The following UGT1A4 variants were observed in gnomAD, a reference collection of about 807,000 sequenced individuals.
UGT1A4 encodes the protein UDP glucuronosyltransferase family 1 member A4.
Under a neutral mutation model 41.1 loss-of-function variants are expected in UGT1A4, and 32 were observed. The observed-to-expected ratio is 0.78, with a 90% CI of 0.59 to 1.05. The LOEUF (loss-of-function observed/expected upper bound fraction) is 1.05, where lower values mean the gene tolerates loss of function less well. UGT1A4 is among the 50% of genes least tolerant of loss of function. The pLI, the probability that UGT1A4 is intolerant of heterozygous loss-of-function variation, is 0.00. For missense variants in UGT1A4, 748 were observed against 677.4 expected (o/e 1.10, Z -1.16); for synonymous variants, 283 against 265.1 (o/e 1.07, Z -0.66).
chr2:233,768,108 G>A (rs1445815158), intron 3 of UGT1A4, 112 bp from the exon 4 acceptor site: 1 of 1,594,814 alleles, frequency 6.3e-7, no homozygotes, highest in Non-Finnish European at 8.6e-7. Flanking sequence ...GCAAATTTCT[G>A]CAAGGGCATG....
At chr2:233,760,857 C>G in intron 1 of UGT1A4, 1 of 1,614,098 alleles carries the variant, frequency 6.2e-7, no homozygotes, top group Non-Finnish European at 8.5e-7. Flanking sequence ...CCAACCCATT[C>G]TCCTACGTGC....
At chr2:233,724,307 C>CCCGGACGGGGCGGCTGG (rs2077215431) in intron 1 of UGT1A4, among the ~76,000 whole-genome samples, 2 of 146,974 alleles carry the variant, frequency 1.4e-5, no homozygotes, top group African/African-American at 5.0e-5. Context: ...CCACCTCCCT[C>CCCGGACGGGGCGGCTGG]CCGGACGGGG....
chr2:233,720,069 G>C (rs12463641), intron 1 of UGT1A4, among the ~76,000 whole-genome samples: 12,192 of 152,216 alleles, frequency 0.08, 620 homozygotes, highest in East Asian at 0.2. Flanking sequence ...CAGTAAATTA[G>C]AATTGTGGAC....
chr2:233,768,582 CTTTTTTTT>C (rs139595073), intron 4 of UGT1A4, 143 bp downstream of exon 4: 33 of 1,033,056 alleles, frequency 3.2e-5, no homozygotes, highest in Middle Eastern at 4.0e-4. Context: ...TTTATTTCTT[CTTTTTTTT>C]TTTTTTTTTT....
chr2:233,769,877 A>C lies in UGT1A4; in HGVS notation c.1307+1438A>C, dbSNP rs890697630. 4.7e-6 allele frequency: 2 copies of C among 421,450 alleles called. No homozygotes were observed. The highest frequency in any genetic ancestry group is 2.0e-5 in the African/African-American group (1 of 48,974). 26.1% of individuals were successfully genotyped at this position (421,450 alleles called of 1,614,324 possible). A position where few individuals can be genotyped will look rare whatever the true frequency, so the allele number is the denominator to read the frequency against. ...TGTCTCAAAAAAAAAAAAAAAAATG[A>C]AAAGTCCACATAACCTGAGCATCAT... is the stretch of plus-strand genomic sequence containing the variant. On this transcript the variant is annotated intron_variant, in intron 4 of 4. Transcript: ENST00000373409. This position sits in a 1 kb window ranked among gnomAD's most constrained non-coding sequence, Gnocchi z 4.4.
chr2:233,742,713 C>T lies in UGT1A4; in HGVS notation c.867+23026C>T, dbSNP rs546122146. 3.3e-4 allele frequency: 50 copies of T among 152,640 alleles called. 1 individual carries two copies. Among genetic ancestry groups the T allele is most frequent in the African/African-American group, 1.1e-3 (46 of 41,252 alleles). 9.5% of individuals were successfully genotyped at this position (152,640 alleles called of 1,614,324 possible). On this transcript the variant is annotated intron_variant, in intron 1 of 4. Coordinates refer to ENST00000373409, the MANE Select transcript of UGT1A4 (RefSeq NM_007120.3). ...GGGAACATGCTTCCACCGATTTCAG[C>T]TCAGTGATATGGGATTCAAATGTCT... is the stretch of plus-strand genomic sequence containing the variant.
At chr2:233,727,955 A>G (rs2077669269) in intron 1 of UGT1A4, among the ~76,000 whole-genome samples, 2 of 152,220 alleles carry the variant, frequency 1.3e-5, no homozygotes, top group Admixed American at 6.5e-5. Flanking sequence ...GCCTGCCCAC[A>G]TCATCCTGAG....
intron 1 of UGT1A4, among the ~76,000 whole-genome samples, chr2:233,739,383 G>A (rs1385341432): frequency 6.6e-6 from 1 of 152,210 alleles, no homozygotes; most frequent in South Asian, 2.1e-4. Context: ...GTGCCTGGAA[G>A]AGCCACAGAC....
Position 233,772,595 on chromosome 2 carries a change from T to C in UGT1A4, c.*36T>C. On this transcript the variant is annotated 3_prime_UTR_variant, in exon 5 of 5. Transcript: ENST00000373409. ...GGAAATAAGGTAAAATTTTGAACCA[T>C]TCCCTAGTCATTTCCAAACTTGAAA... 1 of 1,596,790 alleles carries C rather than the reference T, an allele frequency of 6.3e-7. No homozygotes were observed. Among genetic ancestry groups the C allele is most frequent in the Non-Finnish European group, 8.5e-7 (1 of 1,170,806 alleles).
At chr2:233,764,575 ACT>A (rs1417974721) in intron 1 of UGT1A4, among the ~76,000 whole-genome samples, 4 of 152,070 alleles carry the variant, frequency 2.6e-5, no homozygotes, top group African/African-American at 9.7e-5. Context: ...GAGAACTTAG[ACT>A]CGGCCTTTTC....
At chr2:233,757,782 T>A (rs935250846) in intron 1 of UGT1A4, among the ~76,000 whole-genome samples, 4 of 151,680 alleles carry the variant, frequency 2.6e-5, no homozygotes, top group Admixed American at 6.6e-5. Context: ...AGCCTGTCAT[T>A]CTGATTTGAT....
chr2:233,728,563 T>C (rs1454044996), intron 1 of UGT1A4, among the ~76,000 whole-genome samples: 1 of 152,134 alleles, frequency 6.6e-6, no homozygotes, highest in African/African-American at 2.4e-5. Flanking sequence ...TTACAAGAAA[T>C]ATCCTGGTGC....
intron 1 of UGT1A4, among the ~76,000 whole-genome samples, chr2:233,726,395 C>G (rs2077529698): frequency 6.6e-6 from 1 of 152,174 alleles, no homozygotes; most frequent in African/African-American, 2.4e-5. Flanking sequence ...ATCTCATAGT[C>G]TTTTGATGTC....
rs375204962 is a variant in UGT1A4, at chr2:233,760,376, T to C, written c.868-6658T>C. The C allele has an allele frequency of 6.2e-6, 10 of 1,614,042 alleles. No individual in the cohort carries two copies. In the African/African-American group the frequency reaches 6.7e-5, roughly 11 times the overall value. ...CCAGTGGTGTCCCATGCTGGGAAGA[T>C]ACTGTTGATCCCAGTGGATGGCAGC... On this transcript the variant is annotated intron_variant, in intron 1 of 4. Coordinates refer to ENST00000373409, the MANE Select transcript of UGT1A4 (RefSeq NM_007120.3).
At chr2:233,751,815 C>G (rs186854463) in intron 1 of UGT1A4, among the ~76,000 whole-genome samples, 1 of 152,308 alleles carries the variant, frequency 6.6e-6, no homozygotes, top group East Asian at 1.9e-4. Context: ...TTTCCTGAGG[C>G]CTCCCCAGCC....
chr2:233,755,452 CTGGCCCTGCTCTCTGTGAGGCTCTGTG>C (rs1695924346), intron 1 of UGT1A4: 1 of 306,254 alleles, frequency 3.3e-6, no homozygotes, highest in Admixed American at 4.3e-5. Flanking sequence ...GCTCCTGGGA[CTGGCCCTGCTCTCTGTGAGGCTCTGTG>C]AGGCCCTGTG....
chr2:233,772,283 C>T lies in UGT1A4; in HGVS notation c.1329C>T (p.Arg443=), dbSNP rs1700499600. Residue 443 remains arginine, a synonymous_variant, in exon 5 of 5, where the codon CGC becomes CGT. Coordinates refer to ENST00000373409, the MANE Select transcript of UGT1A4 (RefSeq NM_007120.3). ...TTAGTTACAAGGAGAACATCATGCG[C>T]CTCTCCAGCCTTCACAAGGACCGCC... is the stretch of plus-strand genomic sequence containing the variant. ...NDKSYKENIM[R]LSSLHKDRPV... 1 of 1,614,232 alleles carries T rather than the reference C, an allele frequency of 6.2e-7. No homozygotes were observed. The highest frequency in any genetic ancestry group is 8.5e-7 in the Non-Finnish European group (1 of 1,180,050).
chr2:233,743,560 C>T (rs1242175284), intron 1 of UGT1A4: 1 of 1,367,302 alleles, frequency 7.3e-7, no homozygotes. Context: ...AAATATTCTC[C>T]AGCGGGTTTC....
chr2:233,747,371 C>T (rs757857857), intron 1 of UGT1A4: 1 of 1,604,152 alleles, frequency 6.2e-7, no homozygotes, highest in East Asian at 2.2e-5. Flanking sequence ...AGCTCCATGC[C>T]AGAGGCCACC....
Sources: gnomAD v4.1 joint callset for allele counts (sites outside exome capture counted in the v4.1 genomes callset) on GRCh38, gnomAD v4.1.1 for gene constraint, Gnocchi (gnomAD v3.1) non-coding constraint, MANE v1.5 for transcripts, NCBI Gene and HGNC (gene_info 2026-07-23, HGNC 2026-07-21) for gene names.